CDH11: variants seen among roughly 807,000 people sequenced by gnomAD.
CDH11 encodes the protein cadherin 11, also known as cadherin-11.
Under a neutral mutation model 67.8 loss-of-function variants are expected in CDH11, and 11 were observed. The observed-to-expected ratio is 0.16, with a 90% CI of 0.10 to 0.27. The LOEUF (loss-of-function observed/expected upper bound fraction) is 0.27, where lower values mean the gene tolerates loss of function less well. CDH11 is among the 10% of genes least tolerant of loss of function. The pLI, the probability that CDH11 is intolerant of heterozygous loss-of-function variation, is 1.00. For synonymous variants in CDH11, 419 were observed against 400.0 expected, an observed-to-expected ratio of 1.05 and a Z score of -0.57; for missense variants, 847 against 1,031.2, an observed-to-expected ratio of 0.82 and a Z score of 2.45.
chr16:65,048,872 TA>T (rs1264650247), intron 2 of CDH11, among the ~76,000 whole-genome samples: 2 of 151,858 alleles, frequency 1.3e-5, no homozygotes, highest in African/African-American at 2.4e-5. Context: ...TACACAGTCA[TA>T]AAAAAAGAAT....
intron 7 of CDH11, among the ~76,000 whole-genome samples, chr16:64,984,407 T>A (rs2072432840): frequency 6.6e-6 from 1 of 152,228 alleles, no homozygotes. Context: ...GACATTTGCC[T>A]ACAATTTATT....
intron 1 of CDH11, among the ~76,000 whole-genome samples, chr16:65,063,691 G>A (rs1341434797): frequency 6.6e-6 from 1 of 152,024 alleles, no homozygotes; most frequent in Non-Finnish European, 1.5e-5. Flanking sequence ...ATCTATATGT[G>A]TGTCAGTACA....
intron 1 of CDH11, among the ~76,000 whole-genome samples, chr16:65,074,401 C>A (rs564356720): frequency 2.0e-5 from 3 of 152,198 alleles, no homozygotes; most frequent in Admixed American, 6.5e-5. Flanking sequence ...CATTTGGTAG[C>A]TGTGCAACCC....
chr16:65,033,743 A>AAAATAAAATAAAATG (rs1305309262), intron 2 of CDH11, among the ~76,000 whole-genome samples: 2 of 151,302 alleles, frequency 1.3e-5, no homozygotes, highest in African/African-American at 4.9e-5. Context: ...TCTCTAAAAT[A>AAAATAAAATAAAATG]AAATAAAATA....
In CDH11 at chr16:64,982,156, A is replaced by C; in HGVS notation, c.1145T>G (p.Met382Arg). 1 of 1,614,082 alleles carries C rather than the reference A, an allele frequency of 6.2e-7. No individual in the cohort carries two copies. The highest frequency in any genetic ancestry group is 8.5e-7 in the Non-Finnish European group (1 of 1,179,976). Residue 382 changes from methionine to arginine, a missense_variant, in exon 8 of 13, where the codon ATG (methionine) becomes AGG (arginine). Physicochemically the swap from Met to Arg is moderately conservative, Grantham distance 91. Coordinates refer to ENST00000268603, the MANE Select transcript of CDH11 (RefSeq NM_001797.4). ...ISVEDADEPPMFLAPSYIHEV... is the reference protein window; with the variant it reads ...ISVEDADEPPRFLAPSYIHEV... ...GTGGATGTAACTTGGGGCCAAGAACATAGGGGGCTCATCAGCATCTTCTAC... is the reference window on the plus strand; with the variant it reads ...GTGGATGTAACTTGGGGCCAAGAACCTAGGGGGCTCATCAGCATCTTCTAC...
At chr16:64,996,977 C>T (rs2072785101) in intron 4 of CDH11, among the ~76,000 whole-genome samples, 1 of 152,022 alleles carries the variant, frequency 6.6e-6, no homozygotes, top group Admixed American at 6.6e-5. Context: ...CAGTGTTACA[C>T]AGTATATTCA....
chr16:65,071,767 G>T (rs918992227), intron 1 of CDH11, among the ~76,000 whole-genome samples: 1 of 152,150 alleles, frequency 6.6e-6, no homozygotes, highest in East Asian at 1.9e-4. Flanking sequence ...AACCAGGCTG[G>T]AATAAAAACA....
intron 8 of CDH11, among the ~76,000 whole-genome samples, chr16:64,977,956 T>C (rs947776846): frequency 1.8e-4 from 27 of 152,214 alleles, no homozygotes; most frequent in African/African-American, 6.5e-4. Flanking sequence ...CACTTATAGT[T>C]GGGAATTCCT....
intron 1 of CDH11, among the ~76,000 whole-genome samples, chr16:65,061,909 G>T (rs1242794976): frequency 6.6e-6 from 1 of 152,080 alleles, no homozygotes; most frequent in Non-Finnish European, 1.5e-5. Context: ...AGGTTCTGTG[G>T]TTTTTCTTCA....
intron 1 of CDH11, among the ~76,000 whole-genome samples, chr16:65,078,449 T>G (rs1428242838): frequency 6.6e-6 from 1 of 152,126 alleles, no homozygotes; most frequent in Non-Finnish European, 1.5e-5. Context: ...AGACACTACT[T>G]CGTATTATAT....
intron 2 of CDH11, among the ~76,000 whole-genome samples, chr16:65,045,319 T>C (rs2073935729): frequency 9.4e-6 from 1 of 106,364 alleles, no homozygotes; most frequent in Admixed American, 1.0e-4. Flanking sequence ...AAAATTTGTT[T>C]CCCTCAAAAG....
chr16:65,093,182 C>T (rs1036718928), intron 1 of CDH11, among the ~76,000 whole-genome samples: 12 of 149,756 alleles, frequency 8.0e-5, no homozygotes, highest in Admixed American at 6.0e-4. Context: ...AAGTGACCTG[C>T]CTGCCTTGGC....
chr16:65,115,218 G>C lies in CDH11; in HGVS notation c.-298+6662C>G, dbSNP rs967291864. ...AAAATGCAAAGGTAGGAAGGAGGCAGGCAGTGTTCAAAAGCAGTAATTATC... is the reference window on the plus strand; with the variant it reads ...AAAATGCAAAGGTAGGAAGGAGGCACGCAGTGTTCAAAAGCAGTAATTATC... On this transcript the variant is annotated intron_variant, in intron 1 of 12. Transcript: ENST00000268603. Among the ~76,000 whole-genome samples, 6 of 152,246 alleles carry C rather than the reference G, an allele frequency of 3.9e-5. No individual in the cohort carries two copies. In the South Asian group the frequency reaches 8.3e-4, roughly 21 times the overall value.
At chr16:64,971,849 G>A in intron 10 of CDH11, 82 bp downstream of exon 10, 4 of 1,489,934 alleles carry the variant, frequency 2.7e-6, no homozygotes, top group Admixed American at 3.4e-5. Context: ...GCAGTGGTTG[G>A]TATCTCCAAG....
At chr16:65,007,890 T>A (rs2073094497) in intron 2 of CDH11, among the ~76,000 whole-genome samples, 1 of 152,188 alleles carries the variant, frequency 6.6e-6, no homozygotes, top group Non-Finnish European at 1.5e-5. Flanking sequence ...TAATATATGA[T>A]TTGAATCTCA....
chr16:64,973,838 C>A (rs2072081194), intron 8 of CDH11, among the ~76,000 whole-genome samples: 1 of 151,990 alleles, frequency 6.6e-6, no homozygotes, highest in Admixed American at 6.6e-5. Context: ...AAAATGTTCA[C>A]TACATTTTAG....
intron 9 of CDH11, among the ~76,000 whole-genome samples, chr16:64,972,416 G>C (rs1386378776): frequency 6.6e-6 from 1 of 152,126 alleles, no homozygotes; most frequent in African/African-American, 2.4e-5. Context: ...AAACCATCTG[G>C]GAACTTGTTG....
At position 65,121,298 on chromosome 16, in the gene CDH11, T is replaced by G. The variant is rs1026614784; in HGVS notation, c.-298+582A>C. Among the ~76,000 whole-genome samples the G allele has an allele frequency of 6.6e-6, 1 of 152,152 alleles. No homozygotes were observed. Among genetic ancestry groups the G allele is most frequent in the African/African-American group, 2.4e-5 (1 of 41,432 alleles). On this transcript the variant is annotated intron_variant, in intron 1 of 12. Coordinates refer to ENST00000268603, the MANE Select transcript of CDH11 (RefSeq NM_001797.4). The surrounding 1 kb of genome is among the most constrained non-coding windows in gnomAD (Gnocchi z 4.1). ...CGGCCCCAAACCCACGCTATTAAAG[T>G]GCGGGCAATCTCCTTCCGGAGCTGG... is the stretch of plus-strand genomic sequence containing the variant.
chr16:64,984,479 T>C (rs1413944805), intron 7 of CDH11, among the ~76,000 whole-genome samples: 2 of 152,194 alleles, frequency 1.3e-5, no homozygotes, highest in East Asian at 3.9e-4. Context: ...ATATCCATGT[T>C]ATGAGTAGTT....
Sources: allele counts gnomAD v4.1 joint callset (sites outside exome capture counted in the v4.1 genomes callset), GRCh38; gene constraint gnomAD v4.1.1; non-coding constraint Gnocchi (gnomAD v3.1); transcripts MANE v1.5; gene names NCBI Gene and HGNC (gene_info 2026-07-23, HGNC 2026-07-21).